The following ANKS1B variants were observed in gnomAD, a reference collection of about 807,000 sequenced individuals.
The protein encoded by ANKS1B is ankyrin repeat and sterile alpha motif domain-containing protein 1B.
ANKS1B carries 36 observed loss-of-function variants against 148.3 expected under a neutral mutation model. The observed-to-expected ratio is 0.24, with a 90% confidence interval of 0.19 to 0.32. The LOEUF (loss-of-function observed/expected upper bound fraction) is 0.32, where lower values mean the gene tolerates loss of function less well. Among genes scored for constraint, ANKS1B ranks in the 10% least tolerant of loss-of-function variants. The pLI is 1.00. For missense variants in ANKS1B, 1,157 were observed against 1,542.6 expected (o/e 0.75, Z 4.19); for synonymous variants, 542 against 560.8 (o/e 0.97, Z 0.47).
At chr12:98,933,670 A>T (rs999389915) in intron 17 of ANKS1B, among the ~76,000 whole-genome samples, 17 of 151,904 alleles carry the variant, frequency 1.1e-4, no homozygotes, top group Admixed American at 2.6e-4. Context: ...GTGTCTTTTT[A>T]AAAAAATAAT....
intron 4 of ANKS1B, among the ~76,000 whole-genome samples, chr12:99,796,267 T>A (rs1410170938): frequency 6.6e-6 from 1 of 152,000 alleles, no homozygotes; most frequent in African/African-American, 2.4e-5. Context: ...GTTTTCATCA[T>A]GCTACTCAGA....
chr12:99,634,654 C>G (rs2098214622), intron 9 of ANKS1B, among the ~76,000 whole-genome samples: 1 of 152,082 alleles, frequency 6.6e-6, no homozygotes, highest in African/African-American at 2.4e-5. Context: ...CAGGTAAAAT[C>G]TAAAACTGTA....
At chr12:99,306,186 T>G (rs2082313951) in intron 12 of ANKS1B, among the ~76,000 whole-genome samples, 2 of 152,118 alleles carry the variant, frequency 1.3e-5, no homozygotes, top group Admixed American at 6.6e-5. Flanking sequence ...GAGGAGTTGT[T>G]AATAAAGTAA....
chr12:99,946,566 T>A (rs1234354108), intron 1 of ANKS1B, among the ~76,000 whole-genome samples: 1 of 152,074 alleles, frequency 6.6e-6, no homozygotes, highest in African/African-American at 2.4e-5. Flanking sequence ...CATCCCCAAA[T>A]ACCATCACAT....
At position 99,399,748 on chromosome 12, in the gene ANKS1B, A is replaced by ATTC; in HGVS notation, c.1636_1638dup (p.Glu546dup). On this transcript the variant is annotated inframe_insertion, in exon 12 of 27. Coordinates refer to ENST00000683438, the MANE Select transcript of ANKS1B (RefSeq NM_001352186.2). ...CCTGTAGATGTGTTGATTTCAAAAT[A>ATTC]TTCTTGGTTGTGATTCATTCGGTGA... is the stretch of plus-strand genomic sequence containing the variant. 6.2e-7 allele frequency: 1 copy of ATTC among 1,613,536 alleles called. No homozygotes were observed.
chr12:99,939,534 T>G (rs971893131), intron 1 of ANKS1B, among the ~76,000 whole-genome samples: 1 of 152,122 alleles, frequency 6.6e-6, no homozygotes, highest in East Asian at 1.9e-4. Context: ...CCCGGCCACA[T>G]GAAGGTTCTT....
At chr12:99,161,544 T>TC (rs1285943936) in intron 14 of ANKS1B, among the ~76,000 whole-genome samples, 1 of 149,526 alleles carries the variant, frequency 6.7e-6, no homozygotes, top group East Asian at 2.0e-4. Context: ...AACAAAAAAA[T>TC]CCCCCCCAAA....
In ANKS1B at chr12:98,829,443, G is replaced by A; in HGVS notation, c.2887-90C>T. ...TGAAATACTGACAAGACAAACTGTG[G>A]GGGTGGGGAGTCGCTTTTGAAGCAA... On this transcript the variant is annotated intron_variant, in intron 18 of 26. Transcript: ENST00000683438. The surrounding 1 kb of genome is among the most constrained non-coding windows in gnomAD (Gnocchi z 5.2). 7.6e-7 allele frequency: 1 copy of A among 1,323,068 alleles called. No homozygotes were observed. Among genetic ancestry groups the A allele is most frequent in the Non-Finnish European group, 1.0e-6 (1 of 965,218 alleles). 82.0% of individuals were successfully genotyped at this position (1,323,068 alleles called of 1,614,324 possible).
intron 4 of ANKS1B, among the ~76,000 whole-genome samples, chr12:99,789,178 GTTTC>G (rs888234019): frequency 4.6e-5 from 7 of 152,134 alleles, no homozygotes; most frequent in African/African-American, 1.7e-4. Flanking sequence ...GACAGACTCT[GTTTC>G]TTTGAGAGAA....
intron 17 of ANKS1B, among the ~76,000 whole-genome samples, chr12:99,045,086 A>G (rs60242583): frequency 0.016 from 2,419 of 152,308 alleles, 63 homozygotes; most frequent in African/African-American, 0.056. Flanking sequence ...GTCAAACGGA[A>G]GCAGCTTTAG....
chr12:99,955,190 A>G (rs1027625608), intron 1 of ANKS1B, among the ~76,000 whole-genome samples: 2 of 152,080 alleles, frequency 1.3e-5, no homozygotes, highest in South Asian at 4.2e-4. Flanking sequence ...TCTGGCCTCT[A>G]ACATAACCTG....
chr12:99,215,863 TAA>T (rs2084091902), intron 14 of ANKS1B, among the ~76,000 whole-genome samples: 1 of 152,158 alleles, frequency 6.6e-6, no homozygotes, highest in African/African-American at 2.4e-5. Context: ...TAAAATGAGT[TAA>T]GACTTTGGGG....
chr12:99,737,326 A>C (rs1222483516), intron 8 of ANKS1B, among the ~76,000 whole-genome samples: 1 of 152,172 alleles, frequency 6.6e-6, no homozygotes, highest in Non-Finnish European at 1.5e-5. Context: ...AAAATGTGGT[A>C]TATATACACA....
At chr12:99,117,835 T>TCAAC (rs2061771443) in intron 15 of ANKS1B, among the ~76,000 whole-genome samples, 1 of 152,214 alleles carries the variant, frequency 6.6e-6, no homozygotes, top group Non-Finnish European at 1.5e-5. Context: ...CCTGGGCTTG[T>TCAAC]GTTGGTTGCT....
chr12:99,295,091 T>TA (rs1436053039), intron 12 of ANKS1B, among the ~76,000 whole-genome samples: 1 of 152,114 alleles, frequency 6.6e-6, no homozygotes, highest in South Asian at 2.1e-4. Context: ...TACGTACCCA[T>TA]AAAAAAATTG....
At chr12:99,577,804 A>G (rs2097533025) in intron 9 of ANKS1B, among the ~76,000 whole-genome samples, 1 of 152,074 alleles carries the variant, frequency 6.6e-6, no homozygotes. Flanking sequence ...CATGTATAAA[A>G]AGCTGGAAAC....
intron 8 of ANKS1B, among the ~76,000 whole-genome samples, chr12:99,692,042 G>A (rs757104163): frequency 3.3e-5 from 5 of 152,206 alleles, no homozygotes; most frequent in Non-Finnish European, 5.9e-5. Context: ...CGAGATAGAT[G>A]AGAGTCAAAT....
chr12:99,416,662 T>G (rs1212202278), intron 11 of ANKS1B, among the ~76,000 whole-genome samples: 1 of 152,234 alleles, frequency 6.6e-6, no homozygotes, highest in African/African-American at 2.4e-5. Context: ...GTAAAACGTC[T>G]CTTCATGTCT....
In ANKS1B at chr12:99,435,189, C is replaced by T. The variant is rs549731580; in HGVS notation, c.1575+8484G>A. Among the ~76,000 whole-genome samples, 31 of 152,090 alleles carry T rather than the reference C, an allele frequency of 2.0e-4. No homozygotes were observed. The South Asian group carries it at 3.5e-3, about 17-fold the overall frequency. On this transcript the variant is annotated intron_variant, in intron 11 of 26. Coordinates refer to ENST00000683438, the MANE Select transcript of ANKS1B (RefSeq NM_001352186.2). ...TGTACAGTGGTTGTTTTCTGGATTC[C>T]GGCTTTTCCCTCCCCTGTATTAGGT... is the stretch of plus-strand genomic sequence containing the variant.
Sources: gnomAD v4.1 joint callset for allele counts (sites outside exome capture counted in the v4.1 genomes callset) on GRCh38, gnomAD v4.1.1 for gene constraint, Gnocchi (gnomAD v3.1) non-coding constraint, MANE v1.5 for transcripts, NCBI Gene and HGNC (gene_info 2026-07-23, HGNC 2026-07-21) for gene names.